The following CATSPERT variants were observed in gnomAD, a reference collection of about 807,000 sequenced individuals.
The protein encoded by CATSPERT is cation channel sperm-associated targeting subunit tau.
chr2:201,502,899 T>G, the CATSPERT span, among the ~76,000 whole-genome samples: 1 of 150,120 alleles, frequency 6.7e-6, no homozygotes, highest in Admixed American at 6.6e-5. Flanking sequence ...TACTGTGTTG[T>G]TTTTTTTTTC....
chr2:201,491,403 T>C, the CATSPERT span: 5 of 1,537,274 alleles, frequency 3.3e-6, no homozygotes, highest in Middle Eastern at 1.7e-4. Flanking sequence ...CAACCTTATA[T>C]TGGAATGACT....
chr2:201,491,865 A>G, the CATSPERT span: 2 of 1,536,808 alleles, frequency 1.3e-6, no homozygotes, highest in Non-Finnish European at 1.7e-6. Flanking sequence ...TATGAACAGA[A>G]TTTTCTGCTT....
At chr2:201,583,714 T>C in the CATSPERT span, among the ~76,000 whole-genome samples, 1 of 152,126 alleles carries the variant, frequency 6.6e-6, no homozygotes, top group East Asian at 1.9e-4. Context: ...CAAATAATTT[T>C]CCAAGGAAAA....
the CATSPERT span, chr2:201,601,732 A>G: frequency 5.6e-6 from 9 of 1,608,510 alleles, no homozygotes. Flanking sequence ...AGAGATATTA[A>G]CATTACCTGT....
the CATSPERT span, among the ~76,000 whole-genome samples, chr2:201,588,009 C>T: frequency 2.6e-5 from 4 of 151,938 alleles, no homozygotes; most frequent in African/African-American, 9.7e-5. Context: ...AATAAATAGC[C>T]TACCAACCAG....
At chr2:201,546,277 A>G in the CATSPERT span, among the ~76,000 whole-genome samples, 1 of 152,318 alleles carries the variant, frequency 6.6e-6, no homozygotes, top group East Asian at 1.9e-4. Context: ...TTAGACTATG[A>G]TCATAGTCAA....
the CATSPERT span, among the ~76,000 whole-genome samples, chr2:201,616,895 G>A: frequency 6.6e-6 from 1 of 152,148 alleles, no homozygotes; most frequent in Non-Finnish European, 1.5e-5. Flanking sequence ...AAAATCACAA[G>A]CATTCCTATA....
At chr2:201,493,573 C>G in the CATSPERT span, 1 of 1,536,966 alleles carries the variant, frequency 6.5e-7, no homozygotes, top group South Asian at 1.2e-5. Context: ...TGTAGCAGAT[C>G]TGGGCTGTGG....
the CATSPERT span, chr2:201,493,421 G>C: frequency 6.5e-7 from 1 of 1,537,056 alleles, no homozygotes; most frequent in South Asian, 1.2e-5. Context: ...TAATACTCTT[G>C]GGAATCCTTT....
the CATSPERT span, chr2:201,582,296 T>A: frequency 2.4e-6 from 3 of 1,276,570 alleles, no homozygotes; most frequent in Non-Finnish European, 3.2e-6. Context: ...CAATATACTA[T>A]TACTATATTA....
chr2:201,504,937 C>T, the CATSPERT span, among the ~76,000 whole-genome samples: 1 of 152,218 alleles, frequency 6.6e-6, no homozygotes, highest in African/African-American at 2.4e-5. Flanking sequence ...TCTCAGATTA[C>T]TAGGCATTAG....
chr2:201,518,639 T>G, the CATSPERT span, among the ~76,000 whole-genome samples: 4 of 152,360 alleles, frequency 2.6e-5, no homozygotes, highest in African/African-American at 9.6e-5. Context: ...AAGAGTCAGC[T>G]GTCTGTAGAA....
At chr2:201,515,202 G>GTTTTTTTTTTTTTTTTTTTTTTTTT in the CATSPERT span, among the ~76,000 whole-genome samples, 7 of 24,672 alleles carry the variant, frequency 2.8e-4, 2 homozygotes, top group East Asian at 2.0e-3. Flanking sequence ...TCTGCCCATA[G>GTTTTTTTTTTTTTTTTTTTTTTTTT]TTTTTTTTTT....
the CATSPERT span, chr2:201,492,634 A>G: frequency 2.0e-6 from 3 of 1,528,298 alleles, no homozygotes; most frequent in Non-Finnish European, 2.6e-6. Context: ...ATAGTTTTGG[A>G]GAATCTCTTT....
chr2:201,581,255 A>G, the CATSPERT span, among the ~76,000 whole-genome samples: 1 of 151,160 alleles, frequency 6.6e-6, no homozygotes, highest in Non-Finnish European at 1.5e-5. Context: ...AAAACACAAA[A>G]AGCAGTCTGG....
the CATSPERT span, among the ~76,000 whole-genome samples, chr2:201,559,715 C>T: frequency 1.3e-5 from 2 of 152,198 alleles, no homozygotes; most frequent in Non-Finnish European, 2.9e-5. Flanking sequence ...ACTACTGGAT[C>T]CACCTAGAAC....
At chr2:201,538,399 T>C in the CATSPERT span, among the ~76,000 whole-genome samples, 1 of 152,106 alleles carries the variant, frequency 6.6e-6, no homozygotes, top group African/African-American at 2.4e-5. Context: ...ATATCTCTTT[T>C]TATTGCACTT....
chr2:201,501,395 CAAAAA>C, the CATSPERT span, among the ~76,000 whole-genome samples: 14 of 46,594 alleles, frequency 3.0e-4, no homozygotes, highest in South Asian at 0.01. Context: ...AACTCCATCT[CAAAAA>C]AAAAAAAAAA....
the CATSPERT span, among the ~76,000 whole-genome samples, chr2:201,504,653 C>T: frequency 6.6e-6 from 1 of 152,172 alleles, no homozygotes; most frequent in African/African-American, 2.4e-5. Flanking sequence ...GACGGACTGC[C>T]CTCCTGACTC....
Sources: allele counts gnomAD v4.1 joint callset (sites outside exome capture counted in the v4.1 genomes callset), GRCh38; gene constraint gnomAD v4.1.1; transcripts MANE v1.5; gene names NCBI Gene and HGNC (gene_info 2026-07-23, HGNC 2026-07-21).